Variants in FCHO2 observed in about 807,000 individuals in gnomAD.
The protein encoded by FCHO2 is F-BAR domain only protein 2.
In FCHO2, 43 loss-of-function variants were observed where a neutral mutation model predicts 114.1. The ratio of observed to expected loss-of-function variants is 0.38; its 90% confidence interval spans 0.30 to 0.49. The LOEUF (loss-of-function observed/expected upper bound fraction) is 0.49, where lower values mean the gene tolerates loss of function less well. Ranked by LOEUF, FCHO2 falls within the 20% of genes least tolerant of loss-of-function variation. FCHO2 has a pLI of 0.97. For missense variants in FCHO2, 807 were observed against 950.4 expected (o/e 0.85, Z 1.98); for synonymous variants, 293 against 315.2 (o/e 0.93, Z 0.75).
rs775308890 is a variant in FCHO2 at position 73,052,370 on chromosome 5, G to C, written c.1036G>C (p.Asp346His). The change falls in exon 13 of 26, where the codon GAC becomes CAC. Residue 346 changes from aspartate (D) to histidine (H), a missense_variant. By Grantham distance (81) the Asp-to-His change is moderately conservative. Transcript: ENST00000430046. ...ENHFYSSSDS[D>H]SEDEEPKKYR... is the part of the protein sequence containing the mutation. ...CCATTTCTACTCATCTAGTGATTCT[G>C]ACTCCGAAGATGAAGAACCAAAGAA... The C allele has an allele frequency of 3.4e-5, 54 of 1,608,694 alleles. No homozygotes were observed. Among genetic ancestry groups the C allele is most frequent in the Non-Finnish European group, 3.6e-5 (42 of 1,177,388 alleles).
intron 8 of FCHO2, among the ~76,000 whole-genome samples, chr5:73,027,434 A>C (rs1755999275): frequency 6.6e-6 from 1 of 151,362 alleles, no homozygotes; most frequent in Non-Finnish European, 1.5e-5. Context: ...AGTTTACCAA[A>C]TTTTGGTTTT....
intron 17 of FCHO2, among the ~76,000 whole-genome samples, chr5:73,063,559 T>G (rs1406907360): frequency 6.6e-6 from 1 of 152,072 alleles, no homozygotes; most frequent in Non-Finnish European, 1.5e-5. Flanking sequence ...AGCTAATGTA[T>G]CAGATTTAAT....
chr5:73,020,671 G>A (rs1242177689), intron 8 of FCHO2: 14 of 1,105,764 alleles, frequency 1.3e-5, no homozygotes, highest in Admixed American at 3.4e-5. Context: ...ATACTAGACC[G>A]CAAGGAACAG....
Position 73,070,536 on chromosome 5 carries a change from T to G in FCHO2, c.1579+1757T>G, listed in dbSNP as rs1338382082. 2.6e-5 allele frequency among the ~76,000 whole-genome samples: 4 copies of G among 151,762 alleles called. No individual in the cohort carries two copies. In the South Asian group the frequency reaches 6.2e-4, roughly 24 times the overall value. On this transcript the variant is annotated intron_variant, in intron 19 of 25. Transcript: ENST00000430046. ...TGGGACCTACTAGAAAGCAGGCAGG[T>G]GGTCTGGGTAACCTTATTTTCGCTT...
intron 17 of FCHO2, among the ~76,000 whole-genome samples, chr5:73,060,799 G>A (rs1757816115): frequency 4.6e-5 from 7 of 151,796 alleles, no homozygotes. Flanking sequence ...TGTTGATTAG[G>A]GCTTGGCTGA....
chr5:72,958,044 T>G (rs532828860), intron 1 of FCHO2, among the ~76,000 whole-genome samples: 14 of 141,192 alleles, frequency 9.9e-5, no homozygotes, highest in Admixed American at 2.8e-4. Context: ...GTTGTAAGAG[T>G]TTTTTTTTTT....
At chr5:73,054,655 T>C (rs1489951028) in intron 15 of FCHO2, 106 bp downstream of exon 15, 3 of 766,708 alleles carry the variant, frequency 3.9e-6, no homozygotes, top group Non-Finnish European at 6.3e-6. Context: ...TTTCTCATCA[T>C]GAGCCCTACT....
At chr5:72,999,330 A>G (rs967415800) in intron 5 of FCHO2, among the ~76,000 whole-genome samples, 1 of 149,264 alleles carries the variant, frequency 6.7e-6, no homozygotes, top group Non-Finnish European at 1.5e-5. Flanking sequence ...CATAAATACT[A>G]TAGGTGTTAT....
At chr5:73,019,979 A>ATGAGTATCTCCACCCAGCAGCCC (rs1755528514) in intron 8 of FCHO2, among the ~76,000 whole-genome samples, 1 of 152,210 alleles carries the variant, frequency 6.6e-6, no homozygotes, top group African/African-American at 2.4e-5. Flanking sequence ...ACCTTTCAAG[A>ATGAGTATCTCCACCCAGCAGCCC]TGAGTATCTC....
intron 15 of FCHO2, 128 bp from the exon 16 acceptor site, chr5:73,055,937 A>G (rs1757572633): frequency 3.3e-6 from 2 of 605,498 alleles, no homozygotes; most frequent in Admixed American, 3.6e-5. Flanking sequence ...TATTGTTTGT[A>G]TTTACATTAT....
chr5:73,025,957 G>A (rs1318898425), intron 8 of FCHO2, among the ~76,000 whole-genome samples: 1 of 152,170 alleles, frequency 6.6e-6, no homozygotes, highest in Non-Finnish European at 1.5e-5. Context: ...AGTTCTGTGG[G>A]ATAGAGATCT....
At chr5:73,020,561 T>G (rs1755562379) in intron 8 of FCHO2, 1 of 634,824 alleles carries the variant, frequency 1.6e-6, no homozygotes, top group South Asian at 1.8e-5. Context: ...CAGAACATAT[T>G]TGGGGTTGTC....
At chr5:73,026,529 C>T (rs554977985) in intron 8 of FCHO2, among the ~76,000 whole-genome samples, 1 of 152,028 alleles carries the variant, frequency 6.6e-6, no homozygotes, top group African/African-American at 2.4e-5. Flanking sequence ...AAAATGACAC[C>T]AATTTTATTT....
intron 2 of FCHO2, among the ~76,000 whole-genome samples, chr5:72,978,976 A>G (rs945018629): frequency 6.8e-6 from 1 of 147,856 alleles, no homozygotes; most frequent in Non-Finnish European, 1.5e-5. Flanking sequence ...ATAGTGGTGG[A>G]TAAGCTTTTT....
intron 5 of FCHO2, among the ~76,000 whole-genome samples, chr5:72,999,354 T>A (rs1754301527): frequency 6.6e-6 from 1 of 151,010 alleles, no homozygotes; most frequent in Admixed American, 6.6e-5. Flanking sequence ...ATAATTTGGT[T>A]ATCTCATTCA....
chr5:73,008,192 G>A (rs544271177), intron 6 of FCHO2, among the ~76,000 whole-genome samples: 6 of 152,280 alleles, frequency 3.9e-5, no homozygotes, highest in East Asian at 3.9e-4. Flanking sequence ...ACTAGAAGCC[G>A]CCTAAGGGTT....
chr5:72,998,986 A>C (rs928413252), intron 5 of FCHO2, among the ~76,000 whole-genome samples: 3 of 151,942 alleles, frequency 2.0e-5, no homozygotes, highest in Non-Finnish European at 4.4e-5. Context: ...GTGAATCATC[A>C]GGCCCGGCTC....
At chr5:73,019,183 A>G (rs953896507) in intron 8 of FCHO2, among the ~76,000 whole-genome samples, 28 of 152,322 alleles carry the variant, frequency 1.8e-4, no homozygotes, top group Non-Finnish European at 2.9e-4. Context: ...ACAATAGTCA[A>G]TGCTTTGGAC....
intron 16 of FCHO2, among the ~76,000 whole-genome samples, chr5:73,058,035 G>A (rs981952079): frequency 6.6e-6 from 1 of 151,860 alleles, no homozygotes; most frequent in African/African-American, 2.4e-5. Context: ...TTTACGGACG[G>A]GGTCTTGCTC....
Sources: gnomAD v4.1 joint callset for allele counts (sites outside exome capture counted in the v4.1 genomes callset) on GRCh38, gnomAD v4.1.1 for gene constraint, MANE v1.5 for transcripts, NCBI Gene and HGNC (gene_info 2026-07-23, HGNC 2026-07-21) for gene names.